Variants in TRAK1 observed in about 807,000 individuals in gnomAD.
TRAK1 encodes trafficking kinesin protein 1, also known as trafficking kinesin-binding protein 1.
Under a neutral mutation model 92.1 loss-of-function variants are expected in TRAK1, and 33 were observed. That is an observed-to-expected ratio of 0.36 (90% confidence interval 0.27 to 0.48). TRAK1 has a LOEUF of 0.48. TRAK1 is among the 20% of genes least tolerant of loss of function. TRAK1 has a pLI of 0.99. For missense variants in TRAK1, 1,123 were observed against 1,257.9 expected (o/e 0.89, Z 1.62); for synonymous variants, 521 against 517.3 (o/e 1.01, Z -0.10).
At chr3:42,078,377 G>A (rs1704259566) in intron 1 of TRAK1, among the ~76,000 whole-genome samples, 3 of 152,104 alleles carry the variant, frequency 2.0e-5, no homozygotes, top group Admixed American at 2.0e-4. Context: ...CTTAAGATAG[G>A]GAGATTGTCC....
At chr3:42,156,632 G>A (rs1404213184) in intron 2 of TRAK1, among the ~76,000 whole-genome samples, 7 of 152,196 alleles carry the variant, frequency 4.6e-5, no homozygotes, top group Admixed American at 3.3e-4. Flanking sequence ...CAACTAATAA[G>A]TGTTGGAATG....
chr3:42,126,425 C>G (rs2149144019), intron 2 of TRAK1, among the ~76,000 whole-genome samples: 1 of 152,088 alleles, frequency 6.6e-6, no homozygotes, highest in Non-Finnish European at 1.5e-5. Context: ...GAGCTGATAC[C>G]TGGTAGGATA....
chr3:42,199,992 G>C (rs138628892), intron 11 of TRAK1, among the ~76,000 whole-genome samples: 88 of 152,322 alleles, frequency 5.8e-4, no homozygotes, highest in Non-Finnish European at 1.1e-3. Context: ...ATCTCCATCT[G>C]AATACACCTA....
intron 14 of TRAK1, among the ~76,000 whole-genome samples, chr3:42,216,294 C>G (rs543481383): frequency 1.3e-5 from 2 of 152,302 alleles, no homozygotes; most frequent in Admixed American, 1.3e-4. Flanking sequence ...GGAGTAGGGG[C>G]CGTGTCAGGG....
upstream of TRAK1, among the ~76,000 whole-genome samples, chr3:42,088,419 C>T (rs1704801345): frequency 6.6e-6 from 1 of 152,148 alleles, no homozygotes; most frequent in South Asian, 2.1e-4. Flanking sequence ...TCCCACTTGC[C>T]TGCCCCCTGA....
At chr3:42,201,886 A>G (rs1324734670) in intron 12 of TRAK1, among the ~76,000 whole-genome samples, 1 of 45,766 alleles carries the variant, frequency 2.2e-5, no homozygotes, top group Admixed American at 1.9e-4. Context: ...ACAGACGGAC[A>G]CACACACACA....
intron 10 of TRAK1, among the ~76,000 whole-genome samples, chr3:42,196,280 GC>G (rs1466226157): frequency 1.3e-5 from 2 of 152,270 alleles, no homozygotes; most frequent in East Asian, 3.9e-4. Flanking sequence ...TTTGCTCCTA[GC>G]CATTCTAATC....
At chr3:42,013,295 A>T (rs1335684293), upstream of TRAK1, among the ~76,000 whole-genome samples, 1 of 152,196 alleles carries the variant, frequency 6.6e-6, no homozygotes, top group Non-Finnish European at 1.5e-5. This position sits in a 1 kb window ranked among gnomAD's most constrained non-coding sequence, Gnocchi z 5.1. Flanking sequence ...GTTCACGACA[A>T]TCAGCGCCCC....
At chr3:42,095,817 C>G (rs1211259383) in intron 1 of TRAK1, among the ~76,000 whole-genome samples, 3 of 152,214 alleles carry the variant, frequency 2.0e-5, no homozygotes, top group African/African-American at 7.2e-5. Flanking sequence ...GAAACCTAAT[C>G]AGCAGTGCAA....
chr3:42,037,992 A>T (rs1157269971), intron 1 of TRAK1, among the ~76,000 whole-genome samples: 1 of 152,176 alleles, frequency 6.6e-6, no homozygotes, highest in East Asian at 1.9e-4. Context: ...GTGTGGTGTG[A>T]TGTTTAAAAG....
intron 11 of TRAK1, among the ~76,000 whole-genome samples, chr3:42,200,455 C>T (rs552033974): frequency 3.9e-5 from 6 of 152,188 alleles, no homozygotes; most frequent in Admixed American, 3.3e-4. Flanking sequence ...CCTGCTGCAG[C>T]GTTTATTCTA....
intron 1 of TRAK1, among the ~76,000 whole-genome samples, chr3:42,053,378 G>C (rs1439237610): frequency 1.8e-4 from 20 of 108,282 alleles, no homozygotes; most frequent in South Asian, 1.1e-3. Flanking sequence ...AGTCGGGTGG[G>C]GGGGGGGGGC....
intron 2 of TRAK1, among the ~76,000 whole-genome samples, chr3:42,147,255 A>G (rs759588773): frequency 2.0e-5 from 3 of 152,214 alleles, no homozygotes; most frequent in South Asian, 2.1e-4. Context: ...CTGAAAATGT[A>G]TATTCAAGTT....
rs1333797704 is a variant in TRAK1 at position 42,202,323 on chromosome 3, A to G, written c.1428-113A>G. Reference sequence around the variant, plus strand: ...ATGTCAACTGCTTGCCTTGGTTCCCATGGAGAATCCTGTAGCCCCAGGGAA... The same window carrying G: ...ATGTCAACTGCTTGCCTTGGTTCCCGTGGAGAATCCTGTAGCCCCAGGGAA... On this transcript the variant is annotated intron_variant, in intron 12 of 15. Coordinates refer to ENST00000327628, the MANE Select transcript of TRAK1 (RefSeq NM_001042646.3). The surrounding 1 kb of genome is among the most constrained non-coding windows in gnomAD (Gnocchi z 6.1). 2 of 1,177,148 alleles carry G rather than the reference A, an allele frequency of 1.7e-6. No homozygotes were observed. Among genetic ancestry groups the G allele is most frequent in the Non-Finnish European group, 2.2e-6 (2 of 903,502 alleles). The allele number at this position is 1,177,148 out of a possible 1,614,324, so 72.9% of individuals were successfully genotyped here.
In TRAK1 at chr3:42,106,036, G is replaced by A. The variant is rs557484867; in HGVS notation, c.91+14476G>A. ...TGAAGGAAGCACTAAACATGGAAAG[G>A]AACAACCAGTACCAGCCACTGCAAA... On this transcript the variant is annotated intron_variant, in intron 1 of 15. Coordinates refer to ENST00000327628, the MANE Select transcript of TRAK1 (RefSeq NM_001042646.3). 6.6e-5 allele frequency among the ~76,000 whole-genome samples: 10 copies of A among 152,254 alleles called. No homozygotes were observed. The East Asian group carries it at 1.9e-3, about 29-fold the overall frequency.
chr3:42,175,341 T>C (rs1473531286), intron 2 of TRAK1, among the ~76,000 whole-genome samples: 2 of 152,170 alleles, frequency 1.3e-5, no homozygotes, highest in African/African-American at 4.8e-5. Flanking sequence ...ACTTAAGCAC[T>C]TGTGTGACCT....
At chr3:42,130,247 G>A (rs1697015996) in intron 2 of TRAK1, among the ~76,000 whole-genome samples, 1 of 151,676 alleles carries the variant, frequency 6.6e-6, no homozygotes, top group Non-Finnish European at 1.5e-5. Context: ...AGGTGGCTAT[G>A]CAACTCTTTT....
intron 1 of TRAK1, among the ~76,000 whole-genome samples, chr3:42,121,558 C>T (rs1709879090): frequency 6.6e-6 from 1 of 152,034 alleles, no homozygotes; most frequent in Non-Finnish European, 1.5e-5. Flanking sequence ...TGCGCCTGGC[C>T]TCCTGGGGAA....
rs568385489 is a variant in TRAK1 at position 42,136,503 on chromosome 3, A to G, written c.286+10889A>G. Among the ~76,000 whole-genome samples the G allele has an allele frequency of 9.2e-5, 14 of 152,158 alleles. No individual in the cohort carries two copies. The South Asian group carries it at 2.9e-3, about 32-fold the overall frequency. On this transcript the variant is annotated intron_variant, in intron 2 of 15. Transcript: ENST00000327628. ...AATTACCCAGGCGGTGCATACCTGTAGTCCTAGCTACTCAGGAGGCTAAGG... is the reference window on the plus strand; with the variant it reads ...AATTACCCAGGCGGTGCATACCTGTGGTCCTAGCTACTCAGGAGGCTAAGG...
Sources: gnomAD v4.1 joint callset for allele counts (sites outside exome capture counted in the v4.1 genomes callset) on GRCh38, gnomAD v4.1.1 for gene constraint, Gnocchi (gnomAD v3.1) non-coding constraint, MANE v1.5 for transcripts, NCBI Gene and HGNC (gene_info 2026-07-23, HGNC 2026-07-21) for gene names.